Variants in AGT observed in about 807,000 individuals in gnomAD.
AGT encodes alpha-1 antiproteinase, antitrypsin.
A neutral mutation model predicts 28.1 loss-of-function variants in AGT; 26 were observed. The ratio of observed to expected loss-of-function variants is 0.92; its 90% CI spans 0.68 to 1.28. AGT has a LOEUF of 1.28. Among genes scored for constraint, AGT ranks in the 50% most tolerant of loss-of-function variants. The pLI, the probability that AGT is intolerant of heterozygous loss-of-function variation, is 0.00. For synonymous variants in AGT, 259 were observed against 259.6 expected (o/e 1.00, Z 0.02); for missense variants, 596 against 592.3 (o/e 1.01, Z -0.06).
intron 1 of AGT, among the ~76,000 whole-genome samples, chr1:230,738,532 T>C (rs2102806724): frequency 6.6e-6 from 1 of 152,320 alleles, no homozygotes; most frequent in South Asian, 2.1e-4. Context: ...GAAAGTTGAG[T>C]CATAAAAATT....
chr1:230,724,379 T>A (rs1301333123), intron 1 of AGT, among the ~76,000 whole-genome samples: 1 of 152,222 alleles, frequency 6.6e-6, no homozygotes, highest in Admixed American at 6.5e-5. Flanking sequence ...AATGTATAAT[T>A]TTATTATTCC....
chr1:230,705,304 T>A (rs1205011140), intron 3 of AGT, among the ~76,000 whole-genome samples: 1 of 152,046 alleles, frequency 6.6e-6, no homozygotes, highest in African/African-American at 2.4e-5. Flanking sequence ...ACACCCAGAG[T>A]TGATGTCAAG....
intron 1 of AGT, among the ~76,000 whole-genome samples, chr1:230,720,408 C>T (rs141248753): frequency 3.4e-4 from 52 of 152,300 alleles, no homozygotes; most frequent in African/African-American, 1.2e-3. Context: ...TATTCCCTAC[C>T]CCTTTCCCCT....
chr1:230,729,784 CT>C (rs57694421), intron 1 of AGT, among the ~76,000 whole-genome samples: 46,776 of 151,982 alleles, frequency 0.31, 8,380 homozygotes, highest in East Asian at 0.66. Flanking sequence ...TCTCTTACTA[CT>C]TATGTCACCC....
chr1:230,736,165 TTGTG>T (rs375559522), intron 1 of AGT, among the ~76,000 whole-genome samples: 14 of 149,430 alleles, frequency 9.4e-5, no homozygotes, highest in Admixed American at 3.3e-4. Flanking sequence ...AAGGCAAAGT[TTGTG>T]TGTGTGTGTG....
At chr1:230,737,271 C>T (rs568492897) in intron 1 of AGT, among the ~76,000 whole-genome samples, 5 of 152,140 alleles carry the variant, frequency 3.3e-5, no homozygotes, top group African/African-American at 4.8e-5. Flanking sequence ...AAGTGCCATG[C>T]GTAGGTGACT....
chr1:230,739,411 C>T (rs770727912), intron 1 of AGT, among the ~76,000 whole-genome samples: 9 of 152,000 alleles, frequency 5.9e-5, no homozygotes, highest in Non-Finnish European at 8.8e-5. Flanking sequence ...AATTAAGAGT[C>T]ACCTTGTCCA....
chr1:230,744,339 G>A (rs536053565), intron 1 of AGT, among the ~76,000 whole-genome samples: 2 of 152,322 alleles, frequency 1.3e-5, no homozygotes, highest in East Asian at 1.9e-4. Flanking sequence ...AATGTGCATC[G>A]TGCTCCTGCC....
chr1:230,725,770 GA>G (rs11332822), intron 1 of AGT, among the ~76,000 whole-genome samples: 24,683 of 152,112 alleles, frequency 0.16, 2,640 homozygotes, highest in East Asian at 0.49. Context: ...AAGAGAAGTA[GA>G]AGAATTCAGA....
intron 3 of AGT, among the ~76,000 whole-genome samples, chr1:230,704,618 G>A (rs1663330995): frequency 6.6e-6 from 1 of 152,260 alleles, no homozygotes. Flanking sequence ...TAGGTTGGCT[G>A]CATTGAAGGT....
chr1:230,736,165 T>TTGTG (rs375559522), intron 1 of AGT, among the ~76,000 whole-genome samples: 10,006 of 149,470 alleles, frequency 0.067, 396 homozygotes, highest in African/African-American at 0.1. Flanking sequence ...AAGGCAAAGT[T>TTGTG]TGTGTGTGTG....
chr1:230,743,828 C>T (rs1664292426), intron 1 of AGT, among the ~76,000 whole-genome samples: 2 of 152,232 alleles, frequency 1.3e-5, no homozygotes, highest in Admixed American at 1.3e-4. Flanking sequence ...CTATGTTCAC[C>T]TCCTGCTGCC....
upstream of AGT, among the ~76,000 whole-genome samples, chr1:230,716,928 C>T (rs1463210796): frequency 1.3e-5 from 2 of 151,678 alleles, no homozygotes; most frequent in Non-Finnish European, 2.9e-5. Flanking sequence ...AAAGAGAGAT[C>T]AGACTGTTAC....
Position 230,703,004 on chromosome 1 carries a change from C to G in AGT, c.*137G>C, listed in dbSNP as rs1425496740. On this transcript the variant is annotated 3_prime_UTR_variant, in exon 5 of 5. Coordinates refer to ENST00000366667, the MANE Select transcript of AGT (RefSeq NM_001384479.1). Reference sequence around the variant, plus strand: ...AAACGGCTGCTTTCCAGCTCAAAGTCGACTCATTAGAAGAAAAGGTGGGAG... The same window carrying G: ...AAACGGCTGCTTTCCAGCTCAAAGTGGACTCATTAGAAGAAAAGGTGGGAG... 2.1e-5 allele frequency: 21 copies of G among 981,964 alleles called. No homozygotes were observed. The highest frequency in any genetic ancestry group is 3.0e-6 in the Non-Finnish European group (2 of 671,544). The allele number at this position is 981,964 out of a possible 1,614,324, so 60.8% of individuals were successfully genotyped here.
chr1:230,723,925 T>C (rs1663891163), intron 1 of AGT, among the ~76,000 whole-genome samples: 2 of 152,206 alleles, frequency 1.3e-5, no homozygotes, highest in South Asian at 2.1e-4. Context: ...ACTTTTCCAA[T>C]GTACATTCCA....
At chr1:230,721,004 G>C (rs1216905034) in intron 1 of AGT, among the ~76,000 whole-genome samples, 3 of 152,240 alleles carry the variant, frequency 2.0e-5, no homozygotes, top group African/African-American at 7.2e-5. Flanking sequence ...GGCCGATTGG[G>C]TGAGGCACCT....
chr1:230,721,665 A>C (rs1316545176), intron 1 of AGT, among the ~76,000 whole-genome samples: 1 of 152,202 alleles, frequency 6.6e-6, no homozygotes, highest in Non-Finnish European at 1.5e-5. Context: ...TTCAGTCTGA[A>C]GTGGTCTCAG....
chr1:230,741,461 C>T (rs186563645), intron 1 of AGT, among the ~76,000 whole-genome samples: 131 of 152,340 alleles, frequency 8.6e-4, no homozygotes, highest in African/African-American at 2.7e-3. Context: ...TGTGGAGCAG[C>T]GAGTGTGGGG....
intron 1 of AGT, among the ~76,000 whole-genome samples, chr1:230,711,318 G>A (rs184825404): frequency 1.3e-5 from 2 of 152,210 alleles, no homozygotes; most frequent in Admixed American, 6.5e-5. Flanking sequence ...AGAGAAGACG[G>A]CCATCTACAA....
Sources: allele counts gnomAD v4.1 joint callset (sites outside exome capture counted in the v4.1 genomes callset), GRCh38; gene constraint gnomAD v4.1.1; transcripts MANE v1.5; gene names NCBI Gene and HGNC (gene_info 2026-07-23, HGNC 2026-07-21).